The following IQANK1 variants were observed in gnomAD, a reference collection of about 807,000 sequenced individuals.
The protein encoded by IQANK1 is IQ motif and ankyrin repeat containing 1.
IQANK1 carries 30 observed loss-of-function variants against 22.6 expected under a neutral mutation model. That is an observed-to-expected ratio of 1.33 (90% confidence interval 0.99 to 1.80). The LOEUF is 1.80. Among genes scored for constraint, IQANK1 ranks in the 40% most tolerant of loss-of-function variants. The pLI, the probability that IQANK1 is intolerant of heterozygous loss-of-function variation, is 0.00. For missense variants in IQANK1, 275 were observed against 235.2 expected, an observed-to-expected ratio of 1.17 and a Z score of -1.11; for synonymous variants, 122 against 99.6, an observed-to-expected ratio of 1.23 and a Z score of -1.34.
chr8:143,747,836 G>A lies in IQANK1; in HGVS notation c.175+7888G>A, dbSNP rs538723244. On this transcript the variant is annotated intron_variant, in intron 3 of 13. Coordinates refer to ENST00000527139, the MANE Select transcript of IQANK1 (RefSeq NM_001381874.1). Reference sequence around the variant, plus strand: ...CCTTGAAAATATCCCATGTACACTTGAGAAGAATGTATATGCTATTATTGG... The same window carrying A: ...CCTTGAAAATATCCCATGTACACTTAAGAAGAATGTATATGCTATTATTGG... Among the ~76,000 whole-genome samples, 120 of 152,100 alleles carry A rather than the reference G, an allele frequency of 7.9e-4. 1 individual carries two copies. Among genetic ancestry groups the A allele is most frequent in the African/African-American group, 2.8e-3 (116 of 41,482 alleles).
intron 3 of IQANK1, among the ~76,000 whole-genome samples, chr8:143,749,474 ATATG>A (rs1485458969): frequency 7.4e-6 from 1 of 135,960 alleles, no homozygotes; most frequent in Non-Finnish European, 1.5e-5. Context: ...ATATATAAAT[ATATG>A]TATAAATATA....
intron 8 of IQANK1, 58 bp downstream of exon 8, chr8:143,789,121 G>A (rs1819956860): frequency 5.0e-6 from 2 of 401,712 alleles, no homozygotes; most frequent in South Asian, 2.4e-4. Context: ...CTGGCAGGGA[G>A]CCCGGGCAGG....
At chr8:143,750,334 G>T (rs1250523758) in intron 3 of IQANK1, among the ~76,000 whole-genome samples, 6 of 152,054 alleles carry the variant, frequency 3.9e-5, no homozygotes, top group African/African-American at 7.2e-5. Flanking sequence ...AATGTATTTT[G>T]TCTGATACTA....
chr8:143,742,040 C>T (rs181087536), intron 3 of IQANK1: 1 of 294,856 alleles, frequency 3.4e-6, no homozygotes, highest in Non-Finnish European at 6.8e-6. Flanking sequence ...GTGATGTCCA[C>T]GAGCCTGTCT....
intron 3 of IQANK1, chr8:143,741,993 GC>G: frequency 4.0e-6 from 1 of 250,980 alleles, no homozygotes; most frequent in Non-Finnish European, 8.1e-6. Flanking sequence ...ATGCCACTCT[GC>G]CCCGGGGCCT....
chr8:143,747,180 A>C (rs1222572425), intron 3 of IQANK1, among the ~76,000 whole-genome samples: 1 of 152,142 alleles, frequency 6.6e-6, no homozygotes, highest in African/African-American at 2.4e-5. Context: ...CGCCCGGCCT[A>C]TATTTTTTAT....
At chr8:143,787,261 T>C (rs1268626397) in intron 7 of IQANK1, among the ~76,000 whole-genome samples, 1 of 152,178 alleles carries the variant, frequency 6.6e-6, no homozygotes, top group Non-Finnish European at 1.5e-5. Context: ...TTGGCCCTGG[T>C]GGGCTTTGAA....
chr8:143,788,220 G>A (rs556503723), intron 7 of IQANK1, among the ~76,000 whole-genome samples: 21 of 152,358 alleles, frequency 1.4e-4, no homozygotes, highest in African/African-American at 4.6e-4. Context: ...CTGGTCAAGC[G>A]TGATGCCGGG....
At chr8:143,738,372 C>T (rs1818799769) in intron 2 of IQANK1, among the ~76,000 whole-genome samples, 2 of 152,322 alleles carry the variant, frequency 1.3e-5, no homozygotes, top group South Asian at 2.1e-4. Flanking sequence ...AGGCTTGGCC[C>T]CCTGTTCCAG....
chr8:143,762,614 A>C (rs536543113), intron 3 of IQANK1, among the ~76,000 whole-genome samples: 7 of 152,220 alleles, frequency 4.6e-5, no homozygotes, highest in Non-Finnish European at 8.8e-5. Context: ...CGCTGATGCC[A>C]CTTCCATGGA....
chr8:143,737,578 G>T (rs1292026581), intron 2 of IQANK1, among the ~76,000 whole-genome samples: 2 of 152,138 alleles, frequency 1.3e-5, no homozygotes, highest in Non-Finnish European at 2.9e-5. Context: ...GCATCCCTAG[G>T]TTGCTGCAGT....
chr8:143,740,027 C>T lies in IQANK1; in HGVS notation c.175+79C>T, dbSNP rs563400058. The T allele has an allele frequency of 2.6e-5, 16 of 626,040 alleles. No individual in the cohort carries two copies. In the East Asian group the frequency reaches 4.2e-4, roughly 17 times the overall value. The allele number at this position is 626,040 out of a possible 1,614,324, so 38.8% of individuals were successfully genotyped here. On this transcript the variant is annotated intron_variant, in intron 3 of 13. Transcript: ENST00000527139. ...GGGGGGTGCCCTGGCCCGGGACACG[C>T]TCAGTGTGGGCGCGCGCTTGCGTGT...
In IQANK1 at chr8:143,748,807, C is replaced by CATAAATATATAAATATATATTTCAT. The variant is rs1554627599; in HGVS notation, c.175+8862_175+8863insAATATATAAATATATATTTCATATA. Among the ~76,000 whole-genome samples the CATAAATATATAAATATATATTTCAT allele has an allele frequency of 1.7e-4, 7 of 40,152 alleles. No homozygotes were observed. The East Asian group carries it at 1.9e-3, about 11-fold the overall frequency. The allele number at this position is 40,152 out of a possible 152,430, so 26.3% of individuals were successfully genotyped here. A position where few individuals can be genotyped will look rare whatever the true frequency, so the allele number is the denominator to read the frequency against. ...CATATATAAATATATAAATATATAT[C>CATAAATATATAAATATATATTTCAT]ATATAAATATATAAATATATATTTC... is the stretch of plus-strand genomic sequence containing the variant. On this transcript the variant is annotated intron_variant, in intron 3 of 13. Coordinates refer to ENST00000527139, the MANE Select transcript of IQANK1 (RefSeq NM_001381874.1).
At chr8:143,762,759 G>A (rs928973994) in intron 3 of IQANK1, among the ~76,000 whole-genome samples, 1 of 152,080 alleles carries the variant, frequency 6.6e-6, no homozygotes, top group Non-Finnish European at 1.5e-5. Context: ...AGCTGCAAGG[G>A]GAGTCACCTT....
chr8:143,750,958 GTGTGTGTGTT>G (rs1554627965), intron 3 of IQANK1, among the ~76,000 whole-genome samples: 2 of 150,858 alleles, frequency 1.3e-5, no homozygotes, highest in Non-Finnish European at 2.9e-5. Flanking sequence ...GTGTGTGTGT[GTGTGTGTGTT>G]TTTTTGTAGT....
Position 143,771,928 on chromosome 8 carries a change from A to G in IQANK1, c.434A>G (p.Asp145Gly). The G allele has an allele frequency of 2.7e-6, 1 of 365,730 alleles. No homozygotes were observed. Among genetic ancestry groups the G allele is most frequent in the Non-Finnish European group, 4.8e-6 (1 of 209,616 alleles). The allele number at this position is 365,730 out of a possible 1,614,324, so 22.7% of individuals were successfully genotyped here. ...CGCCGCCTGCTGGACGCCGCCTTCG[A>G]CGGGGACGTGGGCGAGATCCGGGCG... ...RRRRLLDAAF[D>G]GDVGEIRAVL... Residue 145 changes from aspartate to glycine, a missense_variant, in exon 5 of 14, where the codon GAC becomes GGC. Coordinates refer to ENST00000527139, the MANE Select transcript of IQANK1 (RefSeq NM_001381874.1). This position sits in a 1 kb window ranked among gnomAD's most constrained non-coding sequence, Gnocchi z 6.0.
In IQANK1 at chr8:143,789,261, G is replaced by C. The variant is rs112502548; in HGVS notation, c.993+18G>C. ...ACAAGGAGGTGAGTGTGACCTCAGG[G>C]AGGAGCCAGGAAAGGAGGAGGGAGA... On this transcript the variant is annotated intron_variant, in intron 9 of 13. Coordinates refer to ENST00000527139, the MANE Select transcript of IQANK1 (RefSeq NM_001381874.1). 6.8e-3 allele frequency: 2,719 copies of C among 401,006 alleles called. 18 individuals carry two copies. Among genetic ancestry groups the C allele is most frequent in the Non-Finnish European group, 9.8e-3 (2,240 of 227,758 alleles). 24.8% of individuals were successfully genotyped at this position (401,006 alleles called of 1,614,324 possible).
chr8:143,767,246 A>C (rs1554629297), intron 3 of IQANK1, among the ~76,000 whole-genome samples: 3 of 152,206 alleles, frequency 2.0e-5, no homozygotes, highest in African/African-American at 7.2e-5. Context: ...ATGTGCGGAG[A>C]GTATCACCTC....
At chr8:143,778,705 C>T (rs1479364517) in intron 7 of IQANK1, among the ~76,000 whole-genome samples, 1 of 152,244 alleles carries the variant, frequency 6.6e-6, no homozygotes, top group Non-Finnish European at 1.5e-5. Flanking sequence ...CCCACTTCAT[C>T]CATCTCGCCC....
Sources: allele counts gnomAD v4.1 joint callset (sites outside exome capture counted in the v4.1 genomes callset), GRCh38; gene constraint gnomAD v4.1.1; non-coding constraint Gnocchi (gnomAD v3.1); transcripts MANE v1.5; gene names NCBI Gene and HGNC (gene_info 2026-07-23, HGNC 2026-07-21).